Variants in TMEFF2 observed in about 807,000 individuals in gnomAD.
TMEFF2 encodes tomoregulin-2.
In TMEFF2, 28 loss-of-function variants were observed where a neutral mutation model predicts 53.8. The ratio of observed to expected loss-of-function variants is 0.52; its 90% confidence interval spans 0.39 to 0.71. The LOEUF is 0.71. TMEFF2 is among the 30% of genes least tolerant of loss of function. TMEFF2 has a pLI of 0.00. For synonymous variants in TMEFF2, 162 were observed against 166.3 expected (o/e 0.97, Z 0.20); for missense variants, 353 against 455.2 (o/e 0.78, Z 2.04).
At chr2:191,988,949 C>T (rs930570798) in intron 7 of TMEFF2, among the ~76,000 whole-genome samples, 7 of 152,144 alleles carry the variant, frequency 4.6e-5, no homozygotes, top group African/African-American at 9.7e-5. Context: ...ACATTAACAA[C>T]GTCACCATAA....
At position 191,964,142 on chromosome 2, in the gene TMEFF2, G is replaced by A. The variant is rs114786995; in HGVS notation, c.746-7764C>T. ...TTATCATTTGTGTTTGATGACTCCT[G>A]ACTCTTTATCCCACCTAGATTCTAT... On this transcript the variant is annotated intron_variant, in intron 7 of 9. Transcript: ENST00000272771. Among the ~76,000 whole-genome samples, 700 of 151,954 alleles carry A rather than the reference G, an allele frequency of 4.6e-3. 6 individuals carry two copies. The highest frequency in any genetic ancestry group is 0.016 in the African/African-American group (671 of 41,448).
At chr2:192,082,581 G>T (rs1028913748) in intron 4 of TMEFF2, among the ~76,000 whole-genome samples, 2 of 152,086 alleles carry the variant, frequency 1.3e-5, no homozygotes, top group East Asian at 3.9e-4. Context: ...TTGTTTCTTG[G>T]ACTATGCCTG....
chr2:192,187,984 T>A (rs1182329846), intron 2 of TMEFF2, among the ~76,000 whole-genome samples: 2 of 152,134 alleles, frequency 1.3e-5, no homozygotes, highest in Non-Finnish European at 2.9e-5. Flanking sequence ...TTCCACAGAG[T>A]CTGGCATGTA....
intron 2 of TMEFF2, among the ~76,000 whole-genome samples, chr2:192,188,207 G>A (rs1691362543): frequency 6.6e-6 from 1 of 152,102 alleles, no homozygotes; most frequent in Non-Finnish European, 1.5e-5. Flanking sequence ...ATGATTTTAA[G>A]AGCGGACAGG....
chr2:192,118,388 T>C (rs980141649), intron 4 of TMEFF2, among the ~76,000 whole-genome samples: 6 of 152,166 alleles, frequency 3.9e-5, no homozygotes, highest in Non-Finnish European at 7.4e-5. Context: ...TACTCCTCCA[T>C]AATAGCTCTA....
At chr2:192,049,372 TA>T (rs892458794) in intron 5 of TMEFF2, among the ~76,000 whole-genome samples, 1 of 152,180 alleles carries the variant, frequency 6.6e-6, no homozygotes, top group African/African-American at 2.4e-5. Context: ...ATTACATTCA[TA>T]AGACTGTGGT....
At chr2:192,022,680 A>G (rs1686883217) in intron 5 of TMEFF2, among the ~76,000 whole-genome samples, 1 of 152,144 alleles carries the variant, frequency 6.6e-6, no homozygotes, top group Admixed American at 6.5e-5. Context: ...GCATCTATTC[A>G]CTAATTCACT....
In TMEFF2 at chr2:192,191,902, A is replaced by G; in HGVS notation, c.260T>C (p.Val87Ala). The change falls in exon 2 of 10, where the codon GTG becomes GCG. Residue 87 changes from valine to alanine, a missense_variant. By Grantham distance (64) the Val-to-Ala change is moderately conservative. Coordinates refer to ENST00000272771, the MANE Select transcript of TMEFF2 (RefSeq NM_016192.4). ...TACCTTGAACTGACAGACGCAAGTCACAGTGTCTCCAATTCTTAAACATTC... is the reference window on the plus strand; with the variant it reads ...TACCTTGAACTGACAGACGCAAGTCGCAGTGTCTCCAATTCTTAAACATTC... Reference protein sequence around the residue: ...DGECLRIGDTVTCVCQFKCNN... With the variant: ...DGECLRIGDTATCVCQFKCNN... 1 of 1,612,658 alleles carries G rather than the reference A, an allele frequency of 6.2e-7. No homozygotes were observed. The highest frequency in any genetic ancestry group is 8.5e-7 in the Non-Finnish European group (1 of 1,178,774).
chr2:192,090,827 C>T (rs1559122011), intron 4 of TMEFF2, among the ~76,000 whole-genome samples: 4 of 152,048 alleles, frequency 2.6e-5, no homozygotes, highest in African/African-American at 9.7e-5. Context: ...GGTATGATGG[C>T]CCAAGAGTCT....
chr2:192,190,911 A>G (rs1193825158), intron 2 of TMEFF2, among the ~76,000 whole-genome samples: 1 of 152,044 alleles, frequency 6.6e-6, no homozygotes. Flanking sequence ...ACAATCTTAG[A>G]AAAGTTTTCA....
intron 5 of TMEFF2, among the ~76,000 whole-genome samples, chr2:192,012,194 C>T (rs1686645342): frequency 6.6e-6 from 1 of 152,168 alleles, no homozygotes; most frequent in Non-Finnish European, 1.5e-5. Flanking sequence ...TGAGCCACTG[C>T]GCCTGGCCTA....
chr2:192,046,781 C>T (rs1282082896), intron 5 of TMEFF2, among the ~76,000 whole-genome samples: 1 of 152,038 alleles, frequency 6.6e-6, no homozygotes, highest in Non-Finnish European at 1.5e-5. Context: ...CTGGGGAAGA[C>T]AATTTTAATT....
chr2:192,080,825 A>G (rs1419815520), intron 4 of TMEFF2, among the ~76,000 whole-genome samples: 1 of 151,976 alleles, frequency 6.6e-6, no homozygotes, highest in Non-Finnish European at 1.5e-5. Flanking sequence ...TCTGCTTCTC[A>G]TTATGTATAA....
intron 5 of TMEFF2, among the ~76,000 whole-genome samples, chr2:192,037,580 G>C (rs2105881451): frequency 6.8e-6 from 1 of 148,104 alleles, no homozygotes; most frequent in South Asian, 2.2e-4. Flanking sequence ...ACAAGTGTGT[G>C]TGTGTGTGTG....
chr2:192,074,486 T>C (rs1688361562), intron 4 of TMEFF2, among the ~76,000 whole-genome samples: 1 of 151,920 alleles, frequency 6.6e-6, no homozygotes, highest in South Asian at 2.1e-4. Context: ...TTAATATTTG[T>C]CTAAAAGCAG....
chr2:192,016,721 G>A (rs951554578), intron 5 of TMEFF2, among the ~76,000 whole-genome samples: 1 of 152,188 alleles, frequency 6.6e-6, no homozygotes, highest in South Asian at 2.1e-4. Flanking sequence ...GCTAAGTTGT[G>A]TTTTCTTGAG....
intron 4 of TMEFF2, among the ~76,000 whole-genome samples, chr2:192,114,305 T>C (rs1689350130): frequency 6.6e-6 from 1 of 151,846 alleles, no homozygotes; most frequent in African/African-American, 2.4e-5. Context: ...ATCAGTATAA[T>C]AGTTAACATT....
intron 5 of TMEFF2, among the ~76,000 whole-genome samples, chr2:192,002,759 G>A (rs1686399203): frequency 6.6e-6 from 1 of 152,146 alleles, no homozygotes; most frequent in African/African-American, 2.4e-5. Context: ...GAACGGGGGA[G>A]GCGGAGGTTG....
chr2:192,122,994 A>G (rs980945123), intron 4 of TMEFF2, among the ~76,000 whole-genome samples: 1 of 152,236 alleles, frequency 6.6e-6, no homozygotes, highest in Non-Finnish European at 1.5e-5. Context: ...GCAGCCATGC[A>G]ATAAAGTTAT....
Sources: gnomAD v4.1 joint callset for allele counts (sites outside exome capture counted in the v4.1 genomes callset) on GRCh38, gnomAD v4.1.1 for gene constraint, MANE v1.5 for transcripts, NCBI Gene and HGNC (gene_info 2026-07-23, HGNC 2026-07-21) for gene names.